Variants in INTS4 observed in about 807,000 individuals in gnomAD.
The protein encoded by INTS4 is MSTP093.
In INTS4, 70 loss-of-function variants were observed where a neutral mutation model predicts 119.5. The ratio of observed to expected loss-of-function variants is 0.59; its 90% CI spans 0.48 to 0.71. The LOEUF is 0.71. Among genes scored for constraint, INTS4 ranks in the 30% least tolerant of loss-of-function variants. INTS4 has a pLI of 0.00. For synonymous variants in INTS4, 316 were observed against 419.6 expected (o/e 0.75, Z 3.02); for missense variants, 867 against 1,173.2 (o/e 0.74, Z 3.81).
chr11:77,884,089 G>A, intron 21 of INTS4, 137 bp from the exon 22 acceptor site: 1 of 777,424 alleles, frequency 1.3e-6, no homozygotes, highest in South Asian at 1.7e-5. Flanking sequence ...CTTGGGGGTA[G>A]GTCAACACTG....
At chr11:77,886,113 G>A (rs1951994637) in intron 21 of INTS4, among the ~76,000 whole-genome samples, 1 of 152,072 alleles carries the variant, frequency 6.6e-6, no homozygotes, top group Non-Finnish European at 1.5e-5. Context: ...GGCTGAGGCA[G>A]GAGGATCCCT....
intron 18 of INTS4, among the ~76,000 whole-genome samples, chr11:77,897,146 T>C (rs1189937169): frequency 1.3e-5 from 2 of 151,912 alleles, no homozygotes; most frequent in East Asian, 3.9e-4. Flanking sequence ...CATTTATGTA[T>C]GAGAGCAAAG....
At chr11:77,913,489 T>A (rs1052447343) in intron 15 of INTS4, among the ~76,000 whole-genome samples, 10 of 151,962 alleles carry the variant, frequency 6.6e-5, no homozygotes, top group Non-Finnish European at 1.2e-4. Context: ...TTTTTTGTAT[T>A]TTTAGTAGAG....
At chr11:77,988,383 T>G (rs892535645) in intron 2 of INTS4, among the ~76,000 whole-genome samples, 1 of 152,212 alleles carries the variant, frequency 6.6e-6, no homozygotes. Flanking sequence ...CAACAAATAT[T>G]TATTTTACCA....
intron 8 of INTS4, 102 bp from the exon 9 acceptor site, chr11:77,941,353 T>A (rs575737587): frequency 6.3e-4 from 868 of 1,368,902 alleles, no homozygotes; most frequent in Non-Finnish European, 8.2e-4. Context: ...AAAGATAATA[T>A]TATTCATGAC....
rs1953861921 is a variant in INTS4, at chr11:77,938,812, G to A, written c.1004C>T (p.Ala335Val). The A allele has an allele frequency of 6.2e-7, 1 of 1,611,724 alleles. No individual in the cohort carries two copies. Among genetic ancestry groups the A allele is most frequent in the Admixed American group, 1.7e-5 (1 of 59,950 alleles). ...GTAAAGTTCCTTGGCACGCTCATGT[G>A]CAGTACGTTTCCTCTGCAGAGGACA... ...LMSDLRRKRT[A>V]HERAKELYSS... Residue 335 changes from alanine to valine, a missense_variant, in exon 10 of 23, where the codon GCA becomes GTA. Coordinates refer to ENST00000534064, the MANE Select transcript of INTS4 (RefSeq NM_033547.4).
At chr11:77,973,811 T>C (rs772612425) in intron 4 of INTS4, among the ~76,000 whole-genome samples, 6 of 152,226 alleles carry the variant, frequency 3.9e-5, no homozygotes, top group Non-Finnish European at 8.8e-5. Context: ...TTATGGTATA[T>C]ACTCCTACTT....
chr11:77,952,188 T>C (rs1275664401), intron 8 of INTS4, among the ~76,000 whole-genome samples: 2 of 152,210 alleles, frequency 1.3e-5, no homozygotes, highest in African/African-American at 4.8e-5. Flanking sequence ...AGAGCAGCTT[T>C]ACCTCTTAGC....
At chr11:77,896,647 C>T (rs1029701114) in intron 18 of INTS4, among the ~76,000 whole-genome samples, 6 of 130,522 alleles carry the variant, frequency 4.6e-5, no homozygotes, top group African/African-American at 1.5e-4. Flanking sequence ...AGCAAAACTC[C>T]GTCTCAAAAA....
intron 22 of INTS4, 32 bp downstream of exon 22, chr11:77,883,800 T>C (rs1368641371): frequency 1.2e-6 from 2 of 1,608,582 alleles, no homozygotes; most frequent in Admixed American, 1.7e-5. Context: ...CAGCAGCATA[T>C]TTCCCTTCCC....
At chr11:77,963,818 G>C (rs924266885) in intron 4 of INTS4, among the ~76,000 whole-genome samples, 3 of 152,092 alleles carry the variant, frequency 2.0e-5, no homozygotes, top group Admixed American at 6.6e-5. Flanking sequence ...TGAGTAGCTG[G>C]GGACCACAGG....
chr11:77,934,858 C>G (rs1292912650), intron 10 of INTS4, among the ~76,000 whole-genome samples: 2 of 152,012 alleles, frequency 1.3e-5, no homozygotes, highest in Admixed American at 6.6e-5. Flanking sequence ...ATAAGATAAC[C>G]CAATTCTTAA....
At position 77,956,025 on chromosome 11, in the gene INTS4, A is replaced by G. The variant is rs759653692; in HGVS notation, c.835T>C (p.Leu279=). 5.0e-6 allele frequency: 8 copies of G among 1,606,126 alleles called. No homozygotes were observed. In the Middle Eastern group the frequency reaches 1.1e-3, roughly 228 times the overall value. ...PIPSSNEEIR[L]VDDAFGKICH... The stretch of plus-strand genomic sequence containing the variant: ...ATTTTGCCAAACGCATCATCAACTA[A>G]GCGTATTTCTTCATTAGAAGAAGGA... The change falls in exon 8 of 23, where the codon TTA becomes CTA. Residue 279 remains leucine, a synonymous_variant. Coordinates refer to ENST00000534064, the MANE Select transcript of INTS4 (RefSeq NM_033547.4).
chr11:77,910,035 C>T (rs2510966), intron 15 of INTS4, among the ~76,000 whole-genome samples: 57,798 of 150,924 alleles, frequency 0.38, 11,167 homozygotes, highest in African/African-American at 0.43. Flanking sequence ...GTCAGTGTGG[C>T]AATTCCTCAG....
At position 77,991,227 on chromosome 11, in the gene INTS4, G is replaced by C; in HGVS notation, c.127C>G (p.Leu43Val). ...TCTGCTGGGGAGGTAGCTTTACACAGATCTATGTGGAGTGCTGCAGATTTA... is the reference window on the plus strand; with the variant it reads ...TCTGCTGGGGAGGTAGCTTTACACACATCTATGTGGAGTGCTGCAGATTTA... ...PSKSAALHID[L>V]CKATSPADAL... Residue 43 changes from leucine (L) to valine (V), a missense_variant, in exon 2 of 23, where the codon CTG becomes GTG. Leu to Val is a conservative substitution (Grantham distance 32, BLOSUM62 1). Transcript: ENST00000534064. 1 of 1,614,104 alleles carries C rather than the reference G, an allele frequency of 6.2e-7. No homozygotes were observed. Among genetic ancestry groups the C allele is most frequent in the Non-Finnish European group, 8.5e-7 (1 of 1,179,964 alleles).
chr11:77,889,046 A>G (rs533189650), intron 21 of INTS4, among the ~76,000 whole-genome samples: 5 of 152,172 alleles, frequency 3.3e-5, no homozygotes, highest in Non-Finnish European at 7.3e-5. Context: ...AACTAGAAAT[A>G]CCATTTGACC....
At chr11:77,888,018 A>C (rs886880532) in intron 21 of INTS4, among the ~76,000 whole-genome samples, 2 of 152,224 alleles carry the variant, frequency 1.3e-5, no homozygotes, top group Non-Finnish European at 2.9e-5. Flanking sequence ...TTATACATTC[A>C]ATGCCATCCC....
chr11:77,987,198 C>T (rs1471582760), intron 2 of INTS4: 1 of 152,262 alleles, frequency 6.6e-6, no homozygotes, highest in Non-Finnish European at 1.5e-5. Context: ...ATTAATTAAA[C>T]TATTCTCTTT....
chr11:77,966,656 T>A (rs1307062515), intron 4 of INTS4, among the ~76,000 whole-genome samples: 1 of 152,224 alleles, frequency 6.6e-6, no homozygotes, highest in Non-Finnish European at 1.5e-5. Flanking sequence ...GTACTGTTTT[T>A]ATGCCAGTAC....
Sources: gnomAD v4.1 joint callset for allele counts (sites outside exome capture counted in the v4.1 genomes callset) on GRCh38, gnomAD v4.1.1 for gene constraint, MANE v1.5 for transcripts, NCBI Gene and HGNC (gene_info 2026-07-23, HGNC 2026-07-21) for gene names.